The following MDN1 variants were observed in gnomAD, a reference collection of about 807,000 sequenced individuals.
The protein encoded by MDN1 is midasin AAA ATPase 1.
A neutral mutation model predicts 669.2 loss-of-function variants in MDN1; 266 were observed. That is an observed-to-expected ratio of 0.40 (90% CI 0.36 to 0.44). The LOEUF (loss-of-function observed/expected upper bound fraction) is 0.44. Among genes scored for constraint, MDN1 ranks in the 20% least tolerant of loss-of-function variants. The probability of loss-of-function intolerance (pLI) is 1.00; values close to 1 mark genes in which losing one functional copy is unlikely to be tolerated. For missense variants in MDN1, 5,940 were observed against 6,754.0 expected (o/e 0.88, Z 4.22); for synonymous variants, 2,385 against 2,457.1 (o/e 0.97, Z 0.87).
chr6:89,792,979 C>T (rs1347252532), intron 5 of MDN1, among the ~76,000 whole-genome samples: 1 of 152,124 alleles, frequency 6.6e-6, no homozygotes, highest in Non-Finnish European at 1.5e-5. Context: ...GAGGTTCTGC[C>T]ACTGCACTTG....
chr6:89,757,793 C>T (rs2128320075), intron 19 of MDN1, among the ~76,000 whole-genome samples: 1 of 152,192 alleles, frequency 6.6e-6, no homozygotes, highest in Admixed American at 6.5e-5. Flanking sequence ...CACCTGTAAT[C>T]CCAGCACTTT....
rs776557048 is a variant in MDN1, at chr6:89,692,657, G to A, written c.10373C>T (p.Thr3458Ile). ...TFPTYYAHAD[T>I]LCSVKSEEVL... is the part of the protein sequence containing the mutation. ...CTCCTCAGACTTCACCGAGCACAAA[G>A]TGTCTGCATGAGCATAGTAAGTCGG... Residue 3458 changes from threonine (T) to isoleucine (I), a missense_variant, in exon 63 of 102, where the codon ACT becomes ATT. Transcript: ENST00000369393. 2 of 1,614,230 alleles carry A rather than the reference G, an allele frequency of 1.2e-6. No homozygotes were observed. The highest frequency in any genetic ancestry group is 1.7e-6 in the Non-Finnish European group (2 of 1,180,040).
intron 19 of MDN1, among the ~76,000 whole-genome samples, chr6:89,757,026 C>T (rs1449918505): frequency 6.6e-6 from 1 of 151,996 alleles, no homozygotes; most frequent in African/African-American, 2.4e-5. Context: ...AAAACAAGCC[C>T]CCTCATCATC....
chr6:89,649,917 C>A (rs776419399), intron 97 of MDN1, 107 bp downstream of exon 97: 9 of 1,147,834 alleles, frequency 7.8e-6, no homozygotes, highest in Non-Finnish European at 1.2e-5. Context: ...TTAGCCATAT[C>A]ATATTTAAAG....
At position 89,762,311 on chromosome 6, in the gene MDN1, A is replaced by G. The variant is rs958174107; in HGVS notation, c.2356+8T>C. 11 of 1,612,850 alleles carry G rather than the reference A, an allele frequency of 6.8e-6. No individual in the cohort carries two copies. The highest frequency in any genetic ancestry group is 1.7e-5 in the Admixed American group (1 of 59,944). On this transcript the variant is annotated splice_region_variant and intron_variant, in intron 16 of 101. Coordinates refer to ENST00000369393, the MANE Select transcript of MDN1 (RefSeq NM_014611.3). ...CCTCCCCCATGGCAGCCTGGGTCAC[A>G]TCCTTACCAGTTTCACTGTCTTTTC...
chr6:89,778,608 G>A (rs992043245), intron 11 of MDN1, among the ~76,000 whole-genome samples: 3 of 152,020 alleles, frequency 2.0e-5, no homozygotes, highest in African/African-American at 7.3e-5. Context: ...AGGGTGACTG[G>A]GCGCAGTGGC....
Position 89,794,036 on chromosome 6 carries a change from C to T in MDN1, c.662+64G>A, listed in dbSNP as rs1224895197. The T allele has an allele frequency of 3.5e-6, 5 of 1,430,206 alleles. No homozygotes were observed. In the Admixed American group the frequency reaches 6.4e-5, roughly 18 times the overall value. The allele number at this position is 1,430,206 out of a possible 1,614,324, so 88.6% of individuals were successfully genotyped here. ...ACCTGCAGTCACCTCTGGCCTGTCA[C>T]CCCCAGAAAAGAAAAAAAAAAAAGA... On this transcript the variant is annotated intron_variant, in intron 4 of 101. Transcript: ENST00000369393.
rs749503653 is a variant in MDN1, at chr6:89,650,860, C to A, written c.15916-13G>T. On this transcript the variant is annotated splice_polypyrimidine_tract_variant and intron_variant, in intron 95 of 101. Transcript: ENST00000369393. ...CTGCAACCTTCTCCTGTGACAACAACAAAATGTAAGTTACCCTCAGAATGT... is the reference window on the plus strand; with the variant it reads ...CTGCAACCTTCTCCTGTGACAACAAAAAAATGTAAGTTACCCTCAGAATGT... 6.2e-7 allele frequency: 1 copy of A among 1,608,862 alleles called. No individual in the cohort carries two copies. Among genetic ancestry groups the A allele is most frequent in the Admixed American group, 1.7e-5 (1 of 59,970 alleles).
At chr6:89,725,148 C>A (rs1467091986) in intron 38 of MDN1, 51 bp downstream of exon 38, 13 of 1,540,494 alleles carry the variant, frequency 8.4e-6, no homozygotes, top group Non-Finnish European at 1.2e-5. Context: ...TAATAGTAGT[C>A]TTATCCCCTC....
chr6:89,655,694 A>T, intron 92 of MDN1, 70 bp downstream of exon 92: 1 of 1,346,682 alleles, frequency 7.4e-7, no homozygotes, highest in Non-Finnish European at 1.0e-6. Flanking sequence ...TATCATTATT[A>T]TAGGTCACAT....
chr6:89,747,271 AT>A, intron 27 of MDN1, 57 bp downstream of exon 27: 1 of 1,574,972 alleles, frequency 6.3e-7, no homozygotes, highest in East Asian at 2.2e-5. Context: ...ATTTGTTTTA[AT>A]AAAAAGTTTG....
chr6:89,662,945 A>G lies in MDN1; in HGVS notation c.14259T>C (p.Asp4753=), dbSNP rs561010775. The G allele has an allele frequency of 3.1e-6, 5 of 1,613,780 alleles. No individual in the cohort carries two copies. The highest frequency in any genetic ancestry group is 4.2e-6 in the Non-Finnish European group (5 of 1,179,994). ...EEQEEDDEKS[D]SEGGDLDKHM... ...GTTTATCCAGGTCTCCGCCCTCACT[A>G]TCTGATTTCTCATCATCCTCTTCTG... Residue 4753 remains aspartate, a synonymous_variant, in exon 86 of 102, where the codon GAT becomes GAC. Transcript: ENST00000369393.
In MDN1 at chr6:89,658,693, G is replaced by C; in HGVS notation, c.14938C>G (p.Gln4980Glu). 1 of 1,614,140 alleles carries C rather than the reference G, an allele frequency of 6.2e-7. No homozygotes were observed. Among genetic ancestry groups the C allele is most frequent in the Non-Finnish European group, 8.5e-7 (1 of 1,179,998 alleles). Residue 4980 changes from glutamine (Q) to glutamate (E), a missense_variant, in exon 89 of 102, where the codon CAG (glutamine) becomes GAG (glutamate). By Grantham distance (29) the Gln-to-Glu change is conservative (BLOSUM62 2). Coordinates refer to ENST00000369393, the MANE Select transcript of MDN1 (RefSeq NM_014611.3). ...TTGTCTTTTTCCTCCACAGACTGCT[G>C]CTGCTCCTCAGAGTGTTCTTCAGGA... Reference protein sequence around the residue: ...QHPEEHSEEQQQSVEEKDKEA... With the variant: ...QHPEEHSEEQEQSVEEKDKEA...
At chr6:89,670,758 A>G (rs978271350) in intron 83 of MDN1, among the ~76,000 whole-genome samples, 161 bp downstream of exon 83, 1 of 152,220 alleles carries the variant, frequency 6.6e-6, no homozygotes, top group Non-Finnish European at 1.5e-5. Flanking sequence ...CAGCGTTAGC[A>G]AAAGGATGCC....
Position 89,794,694 on chromosome 6 carries a change from C to T in MDN1, c.437G>A (p.Arg146Gln), listed in dbSNP as rs772809184. 6.8e-6 allele frequency: 11 copies of T among 1,614,164 alleles called. No homozygotes were observed. The highest frequency in any genetic ancestry group is 1.7e-5 in the Admixed American group (1 of 60,014). ...CTTGAAGGCTGCTTCCATTAGGTCC[C>T]GGAGCTTCATCCTCCTACGTCCATA... ...VRYGRRRMKL[R>Q]DLMEAAFKFL... The change falls in exon 3 of 102, where the codon CGG becomes CAG. Residue 146 changes from arginine (R) to glutamine (Q), a missense_variant. This residue lies in a region of MDN1 where 1,203 missense variants were observed against 1,268.9 expected (regional missense o/e 0.95). Transcript: ENST00000369393.
chr6:89,797,557 T>C (rs373629242), intron 2 of MDN1: 1 of 325,570 alleles, frequency 3.1e-6, no homozygotes. Flanking sequence ...GGAGCCCAGC[T>C]GGAGCTGTGG....
intron 2 of MDN1, among the ~76,000 whole-genome samples, chr6:89,798,293 C>A (rs2128328117): frequency 6.6e-6 from 1 of 151,866 alleles, no homozygotes; most frequent in Middle Eastern, 3.4e-3. Flanking sequence ...ACAGGTGGAT[C>A]ACCTGAGGTT....
chr6:89,756,973 GT>G (rs1262517038), intron 19 of MDN1, among the ~76,000 whole-genome samples: 1 of 151,364 alleles, frequency 6.6e-6, no homozygotes, highest in Non-Finnish European at 1.5e-5. Context: ...ATTTTCAAGT[GT>G]TTTTTATCAT....
rs979305082 is a variant in MDN1 at position 89,642,618 on chromosome 6, A to ATGAT, written c.*1383_*1386dup. 9 of 152,126 alleles carry ATGAT rather than the reference A, an allele frequency of 5.9e-5. No individual in the cohort carries two copies. The highest frequency in any genetic ancestry group is 1.5e-4 in the African/African-American group (6 of 41,364). 9.4% of individuals were successfully genotyped at this position (152,126 alleles called of 1,614,324 possible). A position where few individuals can be genotyped will look rare whatever the true frequency, so the allele number is the denominator to read the frequency against. ...CAGCCTACCATGGACATAAATGCAA[A>ATGAT]TGATAACCTTTGTAGTAAGAGCAAC... On this transcript the variant is annotated 3_prime_UTR_variant, in exon 102 of 102. Transcript: ENST00000369393.
Sources: gnomAD v4.1 joint callset for allele counts (sites outside exome capture counted in the v4.1 genomes callset) on GRCh38, gnomAD v4.1.1 for gene constraint, gnomAD v4.1.1 regional missense constraint, MANE v1.5 for transcripts, NCBI Gene and HGNC (gene_info 2026-07-23, HGNC 2026-07-21) for gene names.